Variants in KLHL32 observed in about 807,000 individuals in gnomAD.
KLHL32 encodes kelch like family member 32.
A neutral mutation model predicts 64.8 loss-of-function variants in KLHL32; 35 were observed. The observed-to-expected ratio is 0.54, with a 90% CI of 0.41 to 0.72. The LOEUF is 0.72. KLHL32 is among the 30% of genes least tolerant of loss of function. The pLI, the probability that KLHL32 is intolerant of heterozygous loss-of-function variation, is 0.00. For synonymous variants in KLHL32, 259 were observed against 281.0 expected (o/e 0.92, Z 0.78); for missense variants, 589 against 768.5 (o/e 0.77, Z 2.76).
intron 1 of KLHL32, among the ~76,000 whole-genome samples, chr6:96,950,462 A>T (rs1218908305): frequency 6.6e-6 from 1 of 151,888 alleles, no homozygotes; most frequent in Non-Finnish European, 1.5e-5. Flanking sequence ...AAAAAGGAAA[A>T]TTATGCTCTA....
the KLHL32 span, among the ~76,000 whole-genome samples, chr6:96,900,223 A>C: frequency 6.6e-6 from 1 of 152,198 alleles, no homozygotes; most frequent in Non-Finnish European, 1.5e-5. Context: ...GTAATCACCT[A>C]AGGGGTTTTA....
chr6:96,906,043 A>G, the KLHL32 span, among the ~76,000 whole-genome samples: 1 of 152,044 alleles, frequency 6.6e-6, no homozygotes, highest in Non-Finnish European at 1.5e-5. Context: ...TTCTGTCTCC[A>G]TTGTCCCTAG....
chr6:96,923,913 A>G (rs1350120758), upstream of KLHL32, among the ~76,000 whole-genome samples: 1 of 152,206 alleles, frequency 6.6e-6, no homozygotes, highest in Non-Finnish European at 1.5e-5. Flanking sequence ...CATGTTTTAC[A>G]CAGGAGTGAC....
chr6:97,051,392 T>G (rs1490610410), intron 4 of KLHL32, among the ~76,000 whole-genome samples: 2 of 152,166 alleles, frequency 1.3e-5, no homozygotes, highest in African/African-American at 4.8e-5. Context: ...TTGTCATAGG[T>G]GGGGCAATAA....
intron 1 of KLHL32, among the ~76,000 whole-genome samples, chr6:96,956,541 C>G (rs34663994): frequency 6.6e-6 from 1 of 152,102 alleles, no homozygotes; most frequent in East Asian, 1.9e-4. Context: ...TTTCTCCTTT[C>G]TCTCCATCCT....
chr6:97,082,454 A>C (rs1165579572), intron 5 of KLHL32, among the ~76,000 whole-genome samples: 1 of 152,106 alleles, frequency 6.6e-6, no homozygotes, highest in African/African-American at 2.4e-5. Flanking sequence ...TCCACTAAAA[A>C]TACAGAAAAT....
rs765730275 is a variant in KLHL32 at position 97,114,074 on chromosome 6, C to CTTCG, written c.920_923dup (p.Tyr309SerfsTer7). The stretch of plus-strand genomic sequence containing the variant: ...GCGCGAGGTCTGCAAGGTCAAGGAA[C>CTTCG]TTCGGTACTTCAATCCTGTTGATCA... On this transcript the variant is annotated frameshift_variant, in exon 7 of 11. Transcript: ENST00000369261. LOFTEE classifies it high-confidence loss of function. 1 of 1,614,228 alleles carries CTTCG rather than the reference C, an allele frequency of 6.2e-7. No individual in the cohort carries two copies. Among genetic ancestry groups the CTTCG allele is most frequent in the East Asian group, 2.2e-5 (1 of 44,886 alleles).
chr6:97,039,365 G>A (rs1421583707), intron 3 of KLHL32, among the ~76,000 whole-genome samples: 1 of 152,140 alleles, frequency 6.6e-6, no homozygotes, highest in Non-Finnish European at 1.5e-5. Context: ...GAGTAGATTG[G>A]TGGTTACCCT....
intron 1 of KLHL32, among the ~76,000 whole-genome samples, chr6:96,954,922 G>A (rs925220395): frequency 2.6e-5 from 4 of 152,184 alleles, no homozygotes; most frequent in African/African-American, 9.7e-5. Flanking sequence ...AGACTGGGTA[G>A]CTTAAACAAC....
intron 3 of KLHL32, among the ~76,000 whole-genome samples, chr6:97,022,500 A>G (rs1782138884): frequency 7.4e-6 from 1 of 135,864 alleles, no homozygotes; most frequent in Admixed American, 7.6e-5. Flanking sequence ...ATGGAGTTTC[A>G]CTCTTGTTGC....
At chr6:97,061,703 C>A (rs928353887) in intron 4 of KLHL32, among the ~76,000 whole-genome samples, 2 of 152,186 alleles carry the variant, frequency 1.3e-5, no homozygotes, top group African/African-American at 4.8e-5. Flanking sequence ...AGTTGTTCTC[C>A]ATAAACCTGT....
intron 5 of KLHL32, among the ~76,000 whole-genome samples, chr6:97,082,441 G>A (rs768114264): frequency 4.5e-4 from 68 of 152,076 alleles, no homozygotes; most frequent in Non-Finnish European, 2.8e-4. Flanking sequence ...GTGAAACCCC[G>A]TTTCCACTAA....
intron 1 of KLHL32, among the ~76,000 whole-genome samples, chr6:96,956,172 G>A (rs924187243): frequency 6.6e-6 from 1 of 152,144 alleles, no homozygotes; most frequent in Admixed American, 6.5e-5. Context: ...AACAGCATGA[G>A]AAAGACCTGC....
At chr6:97,012,399 C>T (rs1033810358) in intron 3 of KLHL32, among the ~76,000 whole-genome samples, 1 of 152,150 alleles carries the variant, frequency 6.6e-6, no homozygotes, top group Non-Finnish European at 1.5e-5. Flanking sequence ...AGGAGGAGAC[C>T]ATGAAACAAG....
At chr6:97,132,880 T>C (rs1582280186) in intron 10 of KLHL32, 133 bp downstream of exon 10, 7 of 593,680 alleles carry the variant, frequency 1.2e-5, no homozygotes, top group Non-Finnish European at 2.9e-6. Flanking sequence ...TGCAACTAGT[T>C]CAGCCACTAA....
intron 3 of KLHL32, among the ~76,000 whole-genome samples, chr6:96,992,940 T>C (rs2128066955): frequency 6.6e-6 from 1 of 152,372 alleles, no homozygotes; most frequent in East Asian, 1.9e-4. Context: ...GCTGGATTCA[T>C]GTGCATTTCC....
At chr6:97,011,185 C>A (rs551819181) in intron 3 of KLHL32, among the ~76,000 whole-genome samples, 1 of 152,270 alleles carries the variant, frequency 6.6e-6, no homozygotes, top group South Asian at 2.1e-4. Flanking sequence ...ACGTTAAATT[C>A]TACTAGGTTA....
At chr6:97,052,580 G>T (rs1055830003) in intron 4 of KLHL32, among the ~76,000 whole-genome samples, 1 of 152,166 alleles carries the variant, frequency 6.6e-6, no homozygotes. Flanking sequence ...CTGTAGGTCA[G>T]TCCTCATGGT....
chr6:96,956,611 A>G (rs1167276517), intron 1 of KLHL32, among the ~76,000 whole-genome samples: 1 of 152,186 alleles, frequency 6.6e-6, no homozygotes, highest in Non-Finnish European at 1.5e-5. Flanking sequence ...CTCCTTTGGT[A>G]GGATAAAGTG....
Sources: gnomAD v4.1 joint callset for allele counts (sites outside exome capture counted in the v4.1 genomes callset) on GRCh38, gnomAD v4.1.1 for gene constraint, MANE v1.5 for transcripts, NCBI Gene and HGNC (gene_info 2026-07-23, HGNC 2026-07-21) for gene names.